PDE3B: variants seen among roughly 807,000 people sequenced by gnomAD.
The protein encoded by PDE3B is cGMP-inhibited 3',5'-cyclic phosphodiesterase 3B.
PDE3B carries 66 observed loss-of-function variants against 116.8 expected under a neutral mutation model. That is an observed-to-expected ratio of 0.56 (90% CI 0.46 to 0.69). The LOEUF (loss-of-function observed/expected upper bound fraction) is 0.69. PDE3B is among the 30% of genes least tolerant of loss of function. The probability of loss-of-function intolerance (pLI) is 0.00; values close to 1 mark genes in which losing one functional copy is unlikely to be tolerated. For synonymous variants in PDE3B, 595 were observed against 533.6 expected (o/e 1.12, Z -1.59); for missense variants, 1,384 against 1,368.1 (o/e 1.01, Z -0.18).
chr11:14,664,782 A>G (rs1196054916), intron 1 of PDE3B, among the ~76,000 whole-genome samples: 1 of 152,244 alleles, frequency 6.6e-6, no homozygotes, highest in Admixed American at 6.5e-5. Context: ...TCAATAGCTT[A>G]CCAACCAAAA....
the PDE3B span, chr11:14,890,526 C>G: frequency 3.2e-6 from 1 of 314,650 alleles, no homozygotes; most frequent in Non-Finnish European, 4.5e-6. Context: ...TTCTAGAAAC[C>G]TAGACCAATT....
intron 1 of PDE3B, among the ~76,000 whole-genome samples, chr11:14,759,737 C>T (rs527835153): frequency 3.3e-5 from 5 of 151,866 alleles, no homozygotes; most frequent in Admixed American, 2.0e-4. Context: ...TTAGTAGATA[C>T]AGGGTTTCAC....
chr11:14,778,468 T>C (rs2133905599), intron 2 of PDE3B, among the ~76,000 whole-genome samples: 1 of 152,296 alleles, frequency 6.6e-6, no homozygotes, highest in Admixed American at 6.5e-5. Context: ...GAGACGAAGC[T>C]TCCAGAGGAA....
chr11:14,846,406 C>T (rs1284251519), intron 12 of PDE3B, among the ~76,000 whole-genome samples: 24 of 152,116 alleles, frequency 1.6e-4, no homozygotes, highest in East Asian at 5.8e-4. Context: ...TAAAGACCAT[C>T]GAGGCTAGGA....
intron 1 of PDE3B, among the ~76,000 whole-genome samples, chr11:14,684,210 C>T (rs532045676): frequency 2.2e-4 from 33 of 152,248 alleles, no homozygotes; most frequent in Non-Finnish European, 3.1e-4. Flanking sequence ...CGTATTTCAA[C>T]GTAGGTTCTT....
At chr11:14,832,635 C>A (rs911286971) in intron 9 of PDE3B, 87 bp from the exon 10 acceptor site, 15 of 552,928 alleles carry the variant, frequency 2.7e-5, no homozygotes, top group African/African-American at 4.0e-5. Flanking sequence ...GGTTAACATT[C>A]CAGAATACAA....
chr11:14,820,079 ACCATAAAACTTAC>A (rs1346463943), intron 7 of PDE3B, among the ~76,000 whole-genome samples: 1 of 152,110 alleles, frequency 6.6e-6, no homozygotes, highest in East Asian at 1.9e-4. Context: ...CCCTTTACAT[ACCATAAAACTTAC>A]CCTTTTAAAG....
At chr11:14,857,375 T>G (rs782645187) in intron 12 of PDE3B, among the ~76,000 whole-genome samples, 1 of 152,240 alleles carries the variant, frequency 6.6e-6, no homozygotes, top group Non-Finnish European at 1.5e-5. Flanking sequence ...CTGCTCTGTG[T>G]GCTACCTTCA....
chr11:14,795,338 CA>C (rs939282636), intron 4 of PDE3B, among the ~76,000 whole-genome samples: 1 of 152,154 alleles, frequency 6.6e-6, no homozygotes, highest in Admixed American at 6.5e-5. Flanking sequence ...GGACTAAAAC[CA>C]AATATGTATT....
At chr11:14,807,169 A>T (rs1858962278) in intron 5 of PDE3B, among the ~76,000 whole-genome samples, 1 of 152,162 alleles carries the variant, frequency 6.6e-6, no homozygotes. Flanking sequence ...TGACGAGTTG[A>T]TGCATGCAGC....
intron 14 of PDE3B, among the ~76,000 whole-genome samples, chr11:14,867,167 T>C (rs540990272): frequency 2.4e-4 from 36 of 152,308 alleles, no homozygotes; most frequent in African/African-American, 8.7e-4. Flanking sequence ...GTTTCTATTA[T>C]GCTTTTGCCC....
chr11:14,854,793 G>A (rs536056326), intron 12 of PDE3B, among the ~76,000 whole-genome samples: 3 of 152,294 alleles, frequency 2.0e-5, no homozygotes, highest in African/African-American at 4.8e-5. Context: ...GGGATTACAG[G>A]CGTGAGCCAC....
chr11:14,763,361 C>A (rs766583465), intron 1 of PDE3B, among the ~76,000 whole-genome samples: 11 of 151,860 alleles, frequency 7.2e-5, no homozygotes, highest in Non-Finnish European at 1.5e-4. Context: ...TGAAAAAGTG[C>A]CAAAACCTGA....
intron 1 of PDE3B, among the ~76,000 whole-genome samples, chr11:14,728,715 A>G (rs909369105): frequency 4.6e-5 from 7 of 152,244 alleles, no homozygotes; most frequent in Admixed American, 4.6e-4. Context: ...TTAAACAGGT[A>G]ATTATTCTAT....
intron 1 of PDE3B, among the ~76,000 whole-genome samples, chr11:14,647,467 T>C (rs1287495374): frequency 1.3e-5 from 2 of 152,012 alleles, no homozygotes; most frequent in Non-Finnish European, 2.9e-5. Context: ...TTAAATTCTT[T>C]TAGTTTACAC....
At chr11:14,832,038 T>C (rs1859902145) in intron 9 of PDE3B, among the ~76,000 whole-genome samples, 1 of 152,192 alleles carries the variant, frequency 6.6e-6, no homozygotes, top group Admixed American at 6.5e-5. Flanking sequence ...ATTTACATTT[T>C]CTTGAATGTG....
At chr11:14,897,305 G>A in the PDE3B span, among the ~76,000 whole-genome samples, 2 of 152,194 alleles carry the variant, frequency 1.3e-5, no homozygotes, top group Admixed American at 1.3e-4. Context: ...ATACCCTGAT[G>A]ATGATGAAGG....
intron 12 of PDE3B, among the ~76,000 whole-genome samples, chr11:14,854,483 A>G (rs1216029457): frequency 6.6e-6 from 1 of 152,060 alleles, no homozygotes; most frequent in Admixed American, 6.5e-5. Flanking sequence ...AATAAAACAT[A>G]CATAACAGCA....
chr11:14,887,529 T>TTA, the PDE3B span: 1 of 892,052 alleles, frequency 1.1e-6, no homozygotes, highest in South Asian at 5.2e-5. Flanking sequence ...CAAGATTAGC[T>TTA]TATATATTCT....
Sources: gnomAD v4.1 joint callset for allele counts (sites outside exome capture counted in the v4.1 genomes callset) on GRCh38, gnomAD v4.1.1 for gene constraint, MANE v1.5 for transcripts, NCBI Gene and HGNC (gene_info 2026-07-23, HGNC 2026-07-21) for gene names.